DPP10: variants seen among roughly 807,000 people sequenced by gnomAD.
DPP10 encodes dipeptidyl peptidase like 10.
A neutral mutation model predicts 120.9 loss-of-function variants in DPP10; 33 were observed. The observed-to-expected ratio is 0.27, with a 90% CI of 0.21 to 0.37. DPP10 has a LOEUF of 0.37. DPP10 is among the 10% of genes least tolerant of loss of function. The pLI is 1.00. For missense variants in DPP10, 816 were observed against 942.8 expected (o/e 0.87, Z 1.76); for synonymous variants, 337 against 326.1 (o/e 1.03, Z -0.36).
chr2:114,881,598 G>GTCTATCTATCTA (rs58501993), intron 1 of DPP10, among the ~76,000 whole-genome samples: 9,939 of 140,902 alleles, frequency 0.071, 411 homozygotes, highest in Non-Finnish European at 0.089. Flanking sequence ...CTGTCTGTCT[G>GTCTATCTATCTA]TCTATCTATC....
intron 3 of DPP10, among the ~76,000 whole-genome samples, chr2:115,362,958 T>A (rs2106360785): frequency 6.6e-6 from 1 of 152,316 alleles, no homozygotes; most frequent in South Asian, 2.1e-4. Flanking sequence ...AACACCTTGG[T>A]ATCCTCTTTT....
chr2:115,068,760 A>G (rs889118906), intron 1 of DPP10, among the ~76,000 whole-genome samples: 1 of 152,140 alleles, frequency 6.6e-6, no homozygotes, highest in African/African-American at 2.4e-5. Context: ...GTGTGAGATA[A>G]GGGTACAATT....
chr2:115,381,451 C>A (rs1325451184), intron 3 of DPP10, among the ~76,000 whole-genome samples: 3 of 152,136 alleles, frequency 2.0e-5, no homozygotes, highest in Non-Finnish European at 2.9e-5. Context: ...GTTATACATT[C>A]TTCTAAATTT....
chr2:115,009,271 C>T (rs1032632168), intron 1 of DPP10, among the ~76,000 whole-genome samples: 2 of 151,752 alleles, frequency 1.3e-5, no homozygotes, highest in Non-Finnish European at 2.9e-5. Flanking sequence ...GAGTTCATGT[C>T]CTTTGTAGGG....
intron 4 of DPP10, among the ~76,000 whole-genome samples, chr2:115,499,995 G>T (rs1442724910): frequency 2.0e-5 from 3 of 151,580 alleles, no homozygotes; most frequent in Non-Finnish European, 1.5e-5. Context: ...TTCTAGTTCT[G>T]TTGTTTTCTG....
intron 1 of DPP10, among the ~76,000 whole-genome samples, chr2:114,727,751 A>T (rs1676476245): frequency 6.6e-6 from 1 of 152,174 alleles, no homozygotes; most frequent in African/African-American, 2.4e-5. Context: ...AAAGAATGGA[A>T]GTAGTTTCTA....
chr2:115,786,401 T>C (rs1473647468), intron 17 of DPP10, among the ~76,000 whole-genome samples: 1 of 152,236 alleles, frequency 6.6e-6, no homozygotes, highest in Non-Finnish European at 1.5e-5. Flanking sequence ...CTAAGTAGTT[T>C]GGATTCAATC....
chr2:114,487,930 C>T (rs1681652049), intron 1 of DPP10, among the ~76,000 whole-genome samples: 1 of 152,152 alleles, frequency 6.6e-6, no homozygotes, highest in Non-Finnish European at 1.5e-5. Flanking sequence ...AAATAACTTA[C>T]ATGCACTAAC....
At chr2:115,217,107 A>C (rs1189575408) in intron 1 of DPP10, among the ~76,000 whole-genome samples, 1 of 152,136 alleles carries the variant, frequency 6.6e-6, no homozygotes, top group South Asian at 2.1e-4. Flanking sequence ...TCTCACAGAT[A>C]ATTGTTTTCA....
chr2:115,572,933 G>C (rs895474639), intron 5 of DPP10, among the ~76,000 whole-genome samples: 5 of 152,110 alleles, frequency 3.3e-5, no homozygotes, highest in African/African-American at 1.2e-4. Flanking sequence ...GAGGAGCCTA[G>C]CTTTCCATCT....
intron 7 of DPP10, among the ~76,000 whole-genome samples, chr2:115,714,340 C>T (rs1208061916): frequency 1.3e-5 from 2 of 152,100 alleles, no homozygotes; most frequent in Admixed American, 1.3e-4. Flanking sequence ...AAATAATTTC[C>T]AGATCAATTA....
intron 3 of DPP10, among the ~76,000 whole-genome samples, chr2:115,490,393 C>T (rs1212866992): frequency 6.7e-6 from 1 of 148,784 alleles, no homozygotes; most frequent in Non-Finnish European, 1.5e-5. Context: ...GAAACCACCC[C>T]CATGATTCAG....
chr2:115,686,591 C>T (rs1212382726), intron 5 of DPP10, among the ~76,000 whole-genome samples: 1 of 151,948 alleles, frequency 6.6e-6, no homozygotes, highest in Non-Finnish European at 1.5e-5. Context: ...AGTAATCAAA[C>T]TCTTCTTAGG....
chr2:115,517,759 A>T (rs560909376), intron 4 of DPP10, among the ~76,000 whole-genome samples: 1 of 152,340 alleles, frequency 6.6e-6, no homozygotes, highest in African/African-American at 2.4e-5. Flanking sequence ...GAAAATGATA[A>T]GGATAGAGTA....
chr2:114,779,999 G>A (rs1682158741), intron 1 of DPP10, among the ~76,000 whole-genome samples: 1 of 151,844 alleles, frequency 6.6e-6, no homozygotes, highest in South Asian at 2.1e-4. Flanking sequence ...AGCCGGGTGT[G>A]GTGGTGGTCG....
intron 3 of DPP10, among the ~76,000 whole-genome samples, chr2:115,412,284 A>C (rs1206528876): frequency 6.6e-6 from 1 of 152,180 alleles, no homozygotes; most frequent in Non-Finnish European, 1.5e-5. Flanking sequence ...TGATCAAATG[A>C]CTACCTATAC....
At chr2:115,525,475 A>G (rs2148895734) in intron 4 of DPP10, among the ~76,000 whole-genome samples, 1 of 152,202 alleles carries the variant, frequency 6.6e-6, no homozygotes, top group East Asian at 1.9e-4. Flanking sequence ...TTAAATATAA[A>G]CATTCAACCA....
chr2:115,652,500 A>C (rs1231385390), intron 5 of DPP10, among the ~76,000 whole-genome samples: 1 of 151,472 alleles, frequency 6.6e-6, no homozygotes, highest in Admixed American at 6.6e-5. Flanking sequence ...TAATGTAGAT[A>C]GATATAGGAA....
chr2:115,627,221 T>A (rs990004797), intron 5 of DPP10, among the ~76,000 whole-genome samples: 1 of 152,190 alleles, frequency 6.6e-6, no homozygotes, highest in Non-Finnish European at 1.5e-5. Context: ...TTCTTCACCC[T>A]ATTGCTGATA....
Sources: gnomAD v4.1 joint callset for allele counts (sites outside exome capture counted in the v4.1 genomes callset) on GRCh38, gnomAD v4.1.1 for gene constraint, MANE v1.5 for transcripts, NCBI Gene and HGNC (gene_info 2026-07-23, HGNC 2026-07-21) for gene names.